The following SPTA1 variants were observed in gnomAD, a reference collection of about 807,000 sequenced individuals.
SPTA1 encodes spectrin alpha chain, erythrocytic 1.
A neutral mutation model predicts 324.7 loss-of-function variants in SPTA1; 177 were observed. That is an observed-to-expected ratio of 0.55 (90% CI 0.48 to 0.62). The LOEUF (loss-of-function observed/expected upper bound fraction) is 0.62, where lower values mean the gene tolerates loss of function less well. Among genes scored for constraint, SPTA1 ranks in the 20% least tolerant of loss-of-function variants. The pLI is 0.00. For synonymous variants in SPTA1, 1,195 were observed against 1,041.3 expected (o/e 1.15, Z -2.84); for missense variants, 3,162 against 2,883.6 (o/e 1.10, Z -2.21).
chr1:158,643,086 G>T, intron 31 of SPTA1, 110 bp from the exon 32 acceptor site: 1 of 1,451,818 alleles, frequency 6.9e-7, no homozygotes, highest in Non-Finnish European at 9.5e-7. Flanking sequence ...TTCTCACATA[G>T]TCTTATTATT....
Position 158,657,610 on chromosome 1 carries a change from C to T in SPTA1, c.2672G>A (p.Arg891Gln), listed in dbSNP as rs36057043. Residue 891 changes from arginine (R) to glutamine (Q), a missense_variant, in exon 19 of 52, where the codon CGA (arginine) becomes CAA (glutamine). Arg to Gln is a conservative substitution (Grantham distance 43). Coordinates refer to ENST00000643759, the MANE Select transcript of SPTA1 (RefSeq NM_003126.4). ...GACATTGGCTTCAAGATCATTTTGT[C>T]GCCTAGCAGCTCGAGCACGGAGAGA... ...MESLRARAAR[R>Q]QNDLEANVQF... 153 of 1,613,954 alleles carry T rather than the reference C, an allele frequency of 9.5e-5. No individual in the cohort carries two copies. Among genetic ancestry groups the T allele is most frequent in the South Asian group, 4.1e-4 (37 of 91,086 alleles).
intron 2 of SPTA1, among the ~76,000 whole-genome samples, chr1:158,684,262 A>G (rs1655018549): frequency 6.6e-6 from 1 of 152,070 alleles, no homozygotes; most frequent in Non-Finnish European, 1.5e-5. Context: ...GAAAAACTTA[A>G]GAGCCATGAA....
intron 12 of SPTA1, 73 bp from the exon 13 acceptor site, chr1:158,669,859 C>A: frequency 6.8e-7 from 1 of 1,477,420 alleles, no homozygotes. Flanking sequence ...GTTTGGGTAG[C>A]TGTTTAAAGA....
intron 25 of SPTA1, among the ~76,000 whole-genome samples, chr1:158,649,077 A>G (rs1652220627): frequency 6.6e-6 from 1 of 152,118 alleles, no homozygotes; most frequent in African/African-American, 2.4e-5. Flanking sequence ...TCAAAAATAC[A>G]TTTATACACA....
chr1:158,686,636 G>T lies in SPTA1; in HGVS notation c.-119C>A. The T allele has an allele frequency of 1.4e-6, 1 of 728,996 alleles. No individual in the cohort carries two copies. Among genetic ancestry groups the T allele is most frequent in the Non-Finnish European group, 2.3e-6 (1 of 442,536 alleles). 45.2% of individuals were successfully genotyped at this position (728,996 alleles called of 1,614,324 possible). A position where few individuals can be genotyped will look rare whatever the true frequency, so the allele number is the denominator to read the frequency against. Reference sequence around the variant, plus strand: ...ATAGAAATATAGAAACGTTAAGTATGTGGGGGAAAAAAAAAAACCTCTTGC... The same window carrying T: ...ATAGAAATATAGAAACGTTAAGTATTTGGGGGAAAAAAAAAAACCTCTTGC... On this transcript the variant is annotated 5_prime_UTR_variant, in exon 1 of 52. Coordinates refer to ENST00000643759, the MANE Select transcript of SPTA1 (RefSeq NM_003126.4).
At chr1:158,643,025 G>T (rs1192198806) in intron 31 of SPTA1, 49 bp from the exon 32 acceptor site, 1 of 1,608,332 alleles carries the variant, frequency 6.2e-7, no homozygotes. Context: ...CCCTTCCCAT[G>T]CTCTGATGCC....
Position 158,659,595 on chromosome 1 carries a change from ATTTTTTT to A in SPTA1, c.2587+1685_2587+1691del, listed in dbSNP as rs1177353050. Among the ~76,000 whole-genome samples, 9 of 68,780 alleles carry A rather than the reference ATTTTTTT, an allele frequency of 1.3e-4. 1 individual carries two copies. In the South Asian group the frequency reaches 3.7e-3, roughly 28 times the overall value. The allele number at this position is 68,780 out of a possible 152,430, so 45.1% of individuals were successfully genotyped here. On this transcript the variant is annotated intron_variant, in intron 18 of 51. Coordinates refer to ENST00000643759, the MANE Select transcript of SPTA1 (RefSeq NM_003126.4). ...AAAAGAAAATAATAGTCTTAGCATT[ATTTTTTT>A]TTTTTTTTTTTTTTTTTTTGAGACG...
At chr1:158,677,668 C>A in intron 7 of SPTA1, 22 bp downstream of exon 7, 1 of 1,612,608 alleles carries the variant, frequency 6.2e-7, no homozygotes, top group Non-Finnish European at 8.5e-7. Context: ...ACGGGTTAGC[C>A]ATTTCTCTAA....
intron 37 of SPTA1, 136 bp from the exon 38 acceptor site, chr1:158,636,170 A>G (rs1050532279): frequency 6.8e-7 from 1 of 1,473,818 alleles, no homozygotes. Context: ...GAGGGTCCTG[A>G]AAGTCCAGGG....
intron 17 of SPTA1, among the ~76,000 whole-genome samples, 185 bp downstream of exon 17, chr1:158,662,517 G>C (rs965061737): frequency 1.3e-5 from 2 of 152,170 alleles, no homozygotes; most frequent in Non-Finnish European, 2.9e-5. Flanking sequence ...CCAGTTTTAG[G>C]AGGTGTAATT....
chr1:158,669,326 A>G (rs1335251821), intron 14 of SPTA1, 82 bp downstream of exon 14: 3 of 1,588,542 alleles, frequency 1.9e-6, no homozygotes, highest in Non-Finnish European at 2.6e-6. Context: ...GCTGAACGCT[A>G]AAGTTCATTT....
In SPTA1 at chr1:158,667,977, A is replaced by G. The variant is rs569603972; in HGVS notation, c.1919T>C (p.Ile640Thr). ...LAVNKTQLENIQKTGQEMIEG... is the reference protein window; with the variant it reads ...LAVNKTQLENTQKTGQEMIEG... ...AATCATCTCTTGGCCAGTTTTCTGTATGTTTTCCAGCTGGGTCTTATTAAC... is the reference window on the plus strand; with the variant it reads ...AATCATCTCTTGGCCAGTTTTCTGTGTGTTTTCCAGCTGGGTCTTATTAAC... The change falls in exon 15 of 52, where the codon ATA (isoleucine) becomes ACA (threonine). Residue 640 changes from isoleucine (I) to threonine (T), a missense_variant. Physicochemically the swap from Ile to Thr is moderately conservative, Grantham distance 89. Transcript: ENST00000643759. The G allele has an allele frequency of 1.2e-6, 2 of 1,613,024 alleles. No homozygotes were observed. Among genetic ancestry groups the G allele is most frequent in the Middle Eastern group, 1.7e-4 (1 of 6,060 alleles).
At chr1:158,637,522 A>G (rs1321978643) in intron 36 of SPTA1, among the ~76,000 whole-genome samples, 4 of 152,112 alleles carry the variant, frequency 2.6e-5, no homozygotes, top group Non-Finnish European at 4.4e-5. Flanking sequence ...AATATTCTCT[A>G]TTGAGTGTCC....
chr1:158,645,845 G>A (rs906106982), intron 27 of SPTA1, among the ~76,000 whole-genome samples: 5 of 152,068 alleles, frequency 3.3e-5, no homozygotes, highest in Non-Finnish European at 7.4e-5. Flanking sequence ...GAGATTCCGG[G>A]AATTTTTTGT....
At chr1:158,685,066 A>G (rs1192711120) in intron 2 of SPTA1, 42 bp downstream of exon 2, 6 of 1,612,424 alleles carry the variant, frequency 3.7e-6, no homozygotes, top group Middle Eastern at 1.6e-4. Context: ...TTCTCTAGAG[A>G]TCTTAGGGTC....
intron 51 of SPTA1, 47 bp downstream of exon 51, chr1:158,612,770 T>A (rs1410823434): frequency 1.9e-6 from 3 of 1,611,394 alleles, no homozygotes; most frequent in Non-Finnish European, 2.5e-6. Context: ...ATGACCAGAA[T>A]TCAAATTAGG....
chr1:158,684,746 T>C lies in SPTA1; in HGVS notation c.264+362A>G, dbSNP rs181653532. ...TGATGAATGCTTCACCATGAAAATA[T>C]GTAAAGTATCCTATGCCCTTATCAA... On this transcript the variant is annotated intron_variant, in intron 2 of 51. Transcript: ENST00000643759. Among the ~76,000 whole-genome samples the C allele has an allele frequency of 1.3e-3, 203 of 152,274 alleles. 1 individual carries two copies. Among genetic ancestry groups the C allele is most frequent in the African/African-American group, 4.5e-3 (186 of 41,564 alleles).
chr1:158,642,619 G>A (rs1651690379), intron 32 of SPTA1, 77 bp from the exon 33 acceptor site: 22 of 1,595,452 alleles, frequency 1.4e-5, no homozygotes, highest in Non-Finnish European at 1.8e-5. Flanking sequence ...TATTTAAAAG[G>A]AAGGGCTAAT....
At chr1:158,658,602 C>A (rs1031918193) in intron 18 of SPTA1, among the ~76,000 whole-genome samples, 3 of 152,110 alleles carry the variant, frequency 2.0e-5, no homozygotes, top group Admixed American at 6.5e-5. Context: ...CCCTAATAAA[C>A]CCTGCCCCAG....
Sources: gnomAD v4.1 joint callset for allele counts (sites outside exome capture counted in the v4.1 genomes callset) on GRCh38, gnomAD v4.1.1 for gene constraint, MANE v1.5 for transcripts, NCBI Gene and HGNC (gene_info 2026-07-23, HGNC 2026-07-21) for gene names.